The following BCL11B variants were observed in gnomAD, a reference collection of about 807,000 sequenced individuals.
BCL11B encodes the protein BCL11 transcription factor B.
Under a neutral mutation model 49.9 loss-of-function variants are expected in BCL11B, and 8 were observed. That is an observed-to-expected ratio of 0.16 (90% CI 0.09 to 0.29). BCL11B has a LOEUF of 0.29. Ranked by LOEUF, BCL11B falls within the 10% of genes least tolerant of loss-of-function variation. The pLI, the probability that BCL11B is intolerant of heterozygous loss-of-function variation, is 1.00. For missense variants in BCL11B, 1,006 were observed against 1,351.0 expected (o/e 0.74, Z 4.00); for synonymous variants, 739 against 637.4 (o/e 1.16, Z -2.40).
chr14:99,227,904 G>C (rs1246759361), intron 3 of BCL11B, among the ~76,000 whole-genome samples: 1 of 152,042 alleles, frequency 6.6e-6, no homozygotes, highest in Non-Finnish European at 1.5e-5. Context: ...AAAAGAGTCA[G>C]GACCCCCGAG....
chr14:99,261,254 A>G (rs10147094), intron 1 of BCL11B, among the ~76,000 whole-genome samples: 59,773 of 152,128 alleles, frequency 0.39, 12,692 homozygotes, highest in East Asian at 0.77. Flanking sequence ...AGACACCCCC[A>G]AAGACTGTGG....
At position 99,225,988 on chromosome 14, in the gene BCL11B, T is replaced by G. The variant is rs4144133; in HGVS notation, c.640+5357A>C. Among the ~76,000 whole-genome samples, 781 of 152,302 alleles carry G rather than the reference T, an allele frequency of 5.1e-3. 40 individuals are homozygous for G. In the East Asian group the frequency reaches 0.12, roughly 22 times the overall value. On this transcript the variant is annotated intron_variant, in intron 3 of 3. Transcript: ENST00000357195. ...AGAGGCGTCTGGGTTCTCAAGGCAG[T>G]CGGGCATGGACAGCCTCTGCAGCAG...
In BCL11B at chr14:99,175,389, A is replaced by C. The variant is rs2139758852; in HGVS notation, c.1447T>G (p.Ser483Ala). 1.9e-6 allele frequency: 3 copies of C among 1,598,028 alleles called. No individual in the cohort carries two copies. The highest frequency in any genetic ancestry group is 2.6e-6 in the Non-Finnish European group (3 of 1,175,240). ...HMKTHMHKAG[S>A]LAGRSDDGLS... ...CCGTCGTCGGAGCGGCCGGCCAGCG[A>C]GCCGGCCTTGTGCATGTGCGTCTTC... Residue 483 changes from serine to alanine, a missense_variant, in exon 4 of 4, where the codon TCG becomes GCG. Transcript: ENST00000357195.
Position 99,171,058 on chromosome 14 carries a change from A to G in BCL11B, c.*3093T>C, listed in dbSNP as rs1595209949. ...AGATGGCCTCTTAGAGAAAGGGAGG[A>G]CGATGTGGAATGTTACTGACATCTT... On this transcript the variant is annotated 3_prime_UTR_variant, in exon 4 of 4. Coordinates refer to ENST00000357195, the MANE Select transcript of BCL11B (RefSeq NM_138576.4). The G allele has an allele frequency of 4.3e-6, 1 of 230,772 alleles. No individual in the cohort carries two copies. Among genetic ancestry groups the G allele is most frequent in the East Asian group, 6.2e-5 (1 of 16,252 alleles). 14.3% of individuals were successfully genotyped at this position (230,772 alleles called of 1,614,324 possible).
At chr14:99,188,507 G>T (rs1886923384) in intron 3 of BCL11B, among the ~76,000 whole-genome samples, 1 of 142,644 alleles carries the variant, frequency 7.0e-6, no homozygotes, top group South Asian at 2.3e-4. Flanking sequence ...CCTTCGATAT[G>T]CAGAATACAT....
intron 3 of BCL11B, among the ~76,000 whole-genome samples, chr14:99,191,394 C>T (rs1355711263): frequency 1.7e-5 from 2 of 119,608 alleles, no homozygotes; most frequent in Non-Finnish European, 3.7e-5. Flanking sequence ...GGGGACCGCA[C>T]CTAAATCTAA....
rs980723835 is a variant in BCL11B at position 99,194,026 on chromosome 14, A to T, written c.641-17831T>A. Among the ~76,000 whole-genome samples the T allele has an allele frequency of 3.4e-4, 52 of 152,168 alleles. No homozygotes were observed. Among genetic ancestry groups the T allele is most frequent in the African/African-American group, 1.0e-3 (43 of 41,442 alleles). ...ATGAATGGGGGTACTGGGGGTTTCA[A>T]TGGTTTCTGCCAGACAATATGGGCC... On this transcript the variant is annotated intron_variant, in intron 3 of 3. Transcript: ENST00000357195. The surrounding 1 kb of genome is among the most constrained non-coding windows in gnomAD (Gnocchi z 4.6).
chr14:99,188,549 G>A (rs1248460540), intron 3 of BCL11B, among the ~76,000 whole-genome samples: 25 of 147,130 alleles, frequency 1.7e-4, no homozygotes, highest in Non-Finnish European at 1.2e-4. Flanking sequence ...TGGGGCTGGG[G>A]CTGGGGCTGG....
In BCL11B at chr14:99,226,674, C is replaced by T. The variant is rs556059647; in HGVS notation, c.640+4671G>A. Among the ~76,000 whole-genome samples, 34 of 152,362 alleles carry T rather than the reference C, an allele frequency of 2.2e-4. No individual in the cohort carries two copies. The East Asian group carries it at 5.8e-3, about 26-fold the overall frequency. ...GGCAGACTGCATTAATTGCATCAGG[C>T]TTCCACAGCTAGCGTGGTCTAATCC... On this transcript the variant is annotated intron_variant, in intron 3 of 3. Transcript: ENST00000357195.
intron 3 of BCL11B, among the ~76,000 whole-genome samples, chr14:99,185,459 A>C (rs2664286): frequency 0.44 from 66,169 of 150,044 alleles, 14,899 homozygotes; most frequent in African/African-American, 0.49. Context: ...AAAAAAAAAA[A>C]AAACTATATG....
intron 3 of BCL11B, among the ~76,000 whole-genome samples, chr14:99,223,330 A>G (rs1888065722): frequency 6.6e-6 from 1 of 152,150 alleles, no homozygotes; most frequent in Non-Finnish European, 1.5e-5. Flanking sequence ...TTAAAAATAT[A>G]ATATCTGCAA....
Position 99,175,113 on chromosome 14 carries a change from C to T in BCL11B, c.1723G>A (p.Gly575Arg). ...GCGCCGCCCCCCGCGCCCGGGACCC[C>T]GGGCACCCCACCACCGCCGTTCTCG... ...NRENGGGGVP[G>R]VPGAGGGAAK... The change falls in exon 4 of 4, where the codon GGG becomes AGG. Residue 575 changes from glycine to arginine, a missense_variant. Physicochemically the swap from Gly to Arg is moderately radical, Grantham distance 125. Transcript: ENST00000357195. The T allele has an allele frequency of 6.3e-7, 1 of 1,593,708 alleles. No individual in the cohort carries two copies. The highest frequency in any genetic ancestry group is 8.5e-7 in the Non-Finnish European group (1 of 1,172,328).
rs143928763 is a variant in BCL11B, at chr14:99,235,344, G to A, written c.428-3787C>T. ...GTGCAGAAATGAGTCATAGATCAAG[G>A]AAGGAGACAGCCAGGGAGGCAGCGC... On this transcript the variant is annotated intron_variant, in intron 2 of 3. Coordinates refer to ENST00000357195, the MANE Select transcript of BCL11B (RefSeq NM_138576.4). 4.6e-5 allele frequency among the ~76,000 whole-genome samples: 7 copies of A among 152,300 alleles called. No individual in the cohort carries two copies. In the East Asian group the frequency reaches 1.4e-3, roughly 29 times the overall value.
chr14:99,250,237 G>A (rs941625278), intron 2 of BCL11B, among the ~76,000 whole-genome samples: 5 of 151,664 alleles, frequency 3.3e-5, no homozygotes, highest in Middle Eastern at 3.4e-3. Context: ...GAGTTTCACC[G>A]TGTTAGCCAG....
intron 3 of BCL11B, among the ~76,000 whole-genome samples, chr14:99,223,419 A>G (rs1450255166): frequency 6.6e-6 from 1 of 152,176 alleles, no homozygotes; most frequent in Non-Finnish European, 1.5e-5. Context: ...GCCAGGGGCC[A>G]GAATTGCTTA....
chr14:99,200,945 C>T (rs897270885), intron 3 of BCL11B, among the ~76,000 whole-genome samples: 16 of 152,266 alleles, frequency 1.1e-4, no homozygotes, highest in East Asian at 3.9e-4. Context: ...GTCCAGCCTC[C>T]GTATCCTTTA....
At chr14:99,224,382 C>T (rs1037929608) in intron 3 of BCL11B, among the ~76,000 whole-genome samples, 3 of 152,118 alleles carry the variant, frequency 2.0e-5, no homozygotes, top group Non-Finnish European at 4.4e-5. Flanking sequence ...TTCTTGGGAG[C>T]GTTACAACGA....
intron 3 of BCL11B, among the ~76,000 whole-genome samples, chr14:99,218,862 G>A (rs1321546131): frequency 6.6e-6 from 1 of 152,202 alleles, no homozygotes; most frequent in Non-Finnish European, 1.5e-5. Context: ...GGTGGGTCCT[G>A]AATCCAAAGA....
chr14:99,185,200 G>A (rs1228439494), intron 3 of BCL11B, among the ~76,000 whole-genome samples: 1 of 152,168 alleles, frequency 6.6e-6, no homozygotes, highest in Non-Finnish European at 1.5e-5. Context: ...ACTTTAGTAG[G>A]CCAAGGTGGG....
Sources: allele counts gnomAD v4.1 joint callset (sites outside exome capture counted in the v4.1 genomes callset), GRCh38; gene constraint gnomAD v4.1.1; non-coding constraint Gnocchi (gnomAD v3.1); transcripts MANE v1.5; gene names NCBI Gene and HGNC (gene_info 2026-07-23, HGNC 2026-07-21).